The following SGTB variants were observed in gnomAD, a reference collection of about 807,000 sequenced individuals.
The protein encoded by SGTB is small glutamine rich tetratricopeptide repeat co-chaperone beta, also known as small glutamine-rich tetratricopeptide repeat-containing protein beta.
In SGTB, 19 loss-of-function variants were observed where a neutral mutation model predicts 43.9. That is an observed-to-expected ratio of 0.43 (90% CI 0.30 to 0.63). SGTB has a LOEUF of 0.63. SGTB is among the 30% of genes least tolerant of loss of function. The pLI, the probability that SGTB is intolerant of heterozygous loss-of-function variation, is 0.12. For synonymous variants in SGTB, 116 were observed against 117.3 expected (o/e 0.99, Z 0.07); for missense variants, 304 against 358.9 (o/e 0.85, Z 1.24).
chr5:65,692,646 G>C (rs1757634571), intron 5 of SGTB, among the ~76,000 whole-genome samples: 1 of 152,214 alleles, frequency 6.6e-6, no homozygotes, highest in Middle Eastern at 3.4e-3. Flanking sequence ...TAGATTAAAA[G>C]AGACAAAAGT....
intron 2 of SGTB, among the ~76,000 whole-genome samples, chr5:65,714,081 A>G (rs1362909908): frequency 6.6e-6 from 1 of 151,996 alleles, no homozygotes; most frequent in Non-Finnish European, 1.5e-5. Context: ...CAAAAAAAGT[A>G]CTCTCACTAC....
chr5:65,715,806 A>G (rs1259668240), intron 2 of SGTB, among the ~76,000 whole-genome samples: 2 of 152,102 alleles, frequency 1.3e-5, no homozygotes, highest in Admixed American at 6.6e-5. Flanking sequence ...GTCTCGCTCT[A>G]TTGCCCAGGC....
chr5:65,704,743 G>A (rs1384733275), intron 4 of SGTB, among the ~76,000 whole-genome samples: 1 of 151,852 alleles, frequency 6.6e-6, no homozygotes, highest in Non-Finnish European at 1.5e-5. Flanking sequence ...CGTTCCAGAT[G>A]CAACACCCTC....
intron 3 of SGTB, among the ~76,000 whole-genome samples, chr5:65,712,187 C>G (rs1758056525): frequency 6.6e-6 from 1 of 152,180 alleles, no homozygotes; most frequent in Non-Finnish European, 1.5e-5. Flanking sequence ...GAATTGAGGA[C>G]TGCTTGAGCC....
intron 3 of SGTB, 28 bp downstream of exon 3, chr5:65,712,933 T>C (rs1758070286): frequency 6.4e-7 from 1 of 1,554,666 alleles, no homozygotes; most frequent in Middle Eastern, 1.7e-4. Flanking sequence ...TCATATCAGT[T>C]AATAATGAGA....
chr5:65,709,040 CA>C (rs34918475), intron 3 of SGTB, among the ~76,000 whole-genome samples: 93,351 of 144,294 alleles, frequency 0.65, 29,501 homozygotes, highest in African/African-American at 0.69. Flanking sequence ...GACCCTGTCT[CA>C]AAAAAAAAAA....
chr5:65,688,826 T>C (rs914298292), intron 5 of SGTB, among the ~76,000 whole-genome samples: 1 of 152,208 alleles, frequency 6.6e-6, no homozygotes, highest in Non-Finnish European at 1.5e-5. Context: ...TTTTTCTTTT[T>C]TTAGGTGGAG....
Position 65,667,198 on chromosome 5 carries a change from T to G in SGTB, c.*3048A>C, listed in dbSNP as rs1757054589. The G allele has an allele frequency of 6.6e-6, 1 of 152,182 alleles. No homozygotes were observed. The highest frequency in any genetic ancestry group is 2.4e-5 in the African/African-American group (1 of 41,444). The allele number at this position is 152,182 out of a possible 1,614,324, so 9.4% of individuals were successfully genotyped here. A position where few individuals can be genotyped will look rare whatever the true frequency, so the allele number is the denominator to read the frequency against. On this transcript the variant is annotated 3_prime_UTR_variant, in exon 11 of 11. Coordinates refer to ENST00000381007, the MANE Select transcript of SGTB (RefSeq NM_019072.3). ...AGTTGTTAAATATACAATCCTTGAG[T>G]TGGTCATGGTGTTTTCTAGTTAGCC...
Position 65,720,708 on chromosome 5 carries a change from C to T in SGTB, c.100G>A (p.Val34Ile). The T allele has an allele frequency of 1.2e-6, 2 of 1,611,976 alleles. No homozygotes were observed. The highest frequency in any genetic ancestry group is 1.7e-6 in the Non-Finnish European group (2 of 1,179,458). The change falls in exon 2 of 11, where the codon GTT becomes ATT. Residue 34 changes from valine (V) to isoleucine (I), a missense_variant and splice_region_variant. Val to Ile is a conservative substitution (Grantham distance 29). Transcript: ENST00000381007. ...YTSDEQESLE[V>I]AIQCLETVFK... ...ATGAACACAAAGAGCAGATGCATAC[C>T]TTCCAAACTTTCTTGTTCATCCGAG...
chr5:65,704,275 T>C lies in SGTB; in HGVS notation c.374+4A>G. On this transcript the variant is annotated splice_donor_region_variant and intron_variant, in intron 5 of 10. Coordinates refer to ENST00000381007, the MANE Select transcript of SGTB (RefSeq NM_019072.3). ...GCAAACCTGCCACAATAGTGCTAGT[T>C]TACCTGTTGCAATAGTAAACTGCAT... The C allele has an allele frequency of 1.3e-6, 2 of 1,593,960 alleles. No homozygotes were observed. Among genetic ancestry groups the C allele is most frequent in the Non-Finnish European group, 1.7e-6 (2 of 1,168,810 alleles).
intron 5 of SGTB, among the ~76,000 whole-genome samples, chr5:65,688,195 T>A (rs1757535469): frequency 1.3e-5 from 2 of 152,112 alleles, no homozygotes; most frequent in Admixed American, 1.3e-4. Flanking sequence ...TTATTATATA[T>A]AATAAGCAGA....
chr5:65,690,792 G>A (rs1463418342), intron 5 of SGTB, among the ~76,000 whole-genome samples: 2 of 152,150 alleles, frequency 1.3e-5, no homozygotes, highest in Non-Finnish European at 2.9e-5. Flanking sequence ...TGGGGTAGAT[G>A]GGATAGAAAT....
intron 5 of SGTB, among the ~76,000 whole-genome samples, chr5:65,689,422 T>C (rs1026790502): frequency 2.0e-5 from 3 of 152,200 alleles, no homozygotes; most frequent in Non-Finnish European, 2.9e-5. Flanking sequence ...AGTATAATTA[T>C]TGTCTGACAT....
rs376212641 is a variant in SGTB, at chr5:65,715,976, GC to G, written c.101-2913del. Among the ~76,000 whole-genome samples the G allele has an allele frequency of 2.4e-4, 36 of 152,308 alleles. No individual in the cohort carries two copies. In the East Asian group the frequency reaches 5.0e-3, roughly 21 times the overall value. On this transcript the variant is annotated intron_variant, in intron 2 of 10. Transcript: ENST00000381007. ...GTAGAGAGGGAGTTTCACCATGTTG[GC>G]CAGGCTGGTCTCAAATTCCCGACCT...
intron 4 of SGTB, 132 bp from the exon 5 acceptor site, chr5:65,704,510 A>C (rs1757892588): frequency 1.8e-6 from 1 of 567,724 alleles, no homozygotes; most frequent in Middle Eastern, 5.1e-4. Context: ...TCACACTGGA[A>C]AAAATTTTAC....
intron 1 of SGTB, among the ~76,000 whole-genome samples, chr5:65,721,632 T>C (rs192257405): frequency 1.3e-5 from 2 of 152,290 alleles, no homozygotes; most frequent in East Asian, 3.9e-4. Context: ...TTATTATTTG[T>C]GTAGTTATTT....
upstream of SGTB, chr5:65,722,852 A>T (rs899788857): frequency 1.2e-5 from 2 of 161,024 alleles, no homozygotes; most frequent in East Asian, 3.5e-4. Flanking sequence ...TCCACCCGAG[A>T]TGAAACCTCT....
chr5:65,708,379 T>A (rs17241952), intron 4 of SGTB, 110 bp downstream of exon 4: 63,382 of 893,312 alleles, frequency 0.071, 2,421 homozygotes, highest in East Asian at 0.1. Flanking sequence ...CCATGTGCAC[T>A]TATGACAATC....
intron 6 of SGTB, among the ~76,000 whole-genome samples, chr5:65,684,493 T>C (rs1757459083): frequency 1.3e-5 from 2 of 152,096 alleles, no homozygotes; most frequent in African/African-American, 2.4e-5. Flanking sequence ...TGCAAAGTTG[T>C]GGAGAAGGTA....
Sources: allele counts gnomAD v4.1 joint callset (sites outside exome capture counted in the v4.1 genomes callset), GRCh38; gene constraint gnomAD v4.1.1; transcripts MANE v1.5; gene names NCBI Gene and HGNC (gene_info 2026-07-23, HGNC 2026-07-21).